The following PRKCE variants were observed in gnomAD, a reference collection of about 807,000 sequenced individuals.
The protein encoded by PRKCE is protein kinase C epsilon.
In PRKCE, 16 loss-of-function variants were observed where a neutral mutation model predicts 85.4. The ratio of observed to expected loss-of-function variants is 0.19; its 90% CI spans 0.13 to 0.28. The LOEUF is 0.28. Ranked by LOEUF, PRKCE falls within the 10% of genes least tolerant of loss-of-function variation. PRKCE has a pLI of 1.00. For synonymous variants in PRKCE, 388 were observed against 371.5 expected (o/e 1.04, Z -0.51); for missense variants, 573 against 975.2 (o/e 0.59, Z 5.49).
rs184093957 is a variant in PRKCE, at chr2:46,139,889, C to T, written c.1593-5204C>T. 2.5e-3 allele frequency among the ~76,000 whole-genome samples: 380 copies of T among 152,056 alleles called. 3 individuals are homozygous for T. Among genetic ancestry groups the T allele is most frequent in the African/African-American group, 8.6e-3 (355 of 41,474 alleles). ...AGCTTTTAATTCTAGTTCATGGCTG[C>T]GTAGCTATGTGCCTGGCTTAAAAAA... is the stretch of plus-strand genomic sequence containing the variant. On this transcript the variant is annotated intron_variant, in intron 11 of 14. Transcript: ENST00000306156. The surrounding 1 kb of genome is among the most constrained non-coding windows in gnomAD (Gnocchi z 5.2).
chr2:46,075,604 G>A (rs1401777619), intron 10 of PRKCE, among the ~76,000 whole-genome samples: 1 of 152,028 alleles, frequency 6.6e-6, no homozygotes, highest in South Asian at 2.1e-4. Context: ...GAAAAATTAG[G>A]CAGGCATGGT....
At chr2:46,152,579 T>G (rs1299412204) in intron 13 of PRKCE, among the ~76,000 whole-genome samples, 1 of 151,286 alleles carries the variant, frequency 6.6e-6, no homozygotes, top group East Asian at 2.0e-4. Context: ...GATGGAGTGT[T>G]GCTTTGTTAC....
At chr2:45,852,287 C>T (rs576240602) in intron 2 of PRKCE, among the ~76,000 whole-genome samples, 1 of 152,300 alleles carries the variant, frequency 6.6e-6, no homozygotes, top group Non-Finnish European at 1.5e-5. Context: ...GCAACAAAAA[C>T]CCGTGACCTC....
intron 11 of PRKCE, among the ~76,000 whole-genome samples, chr2:46,110,035 T>C (rs1470855407): frequency 6.6e-6 from 1 of 152,214 alleles, no homozygotes; most frequent in African/African-American, 2.4e-5. Context: ...CTTGCATACC[T>C]TGAATAAATC....
intron 12 of PRKCE, among the ~76,000 whole-genome samples, chr2:46,147,134 C>A (rs892117423): frequency 9.2e-5 from 14 of 152,156 alleles, no homozygotes; most frequent in Non-Finnish European, 1.6e-4. Flanking sequence ...GAACCTTTAT[C>A]TTCTAAGAGA....
At chr2:46,024,763 C>G (rs1031807155) in intron 10 of PRKCE, among the ~76,000 whole-genome samples, 1 of 152,122 alleles carries the variant, frequency 6.6e-6, no homozygotes, top group Non-Finnish European at 1.5e-5. Flanking sequence ...CAACCTATCC[C>G]CATGTGTTTT....
At chr2:45,810,058 G>A (rs1045456957) in intron 1 of PRKCE, among the ~76,000 whole-genome samples, 12 of 136,168 alleles carry the variant, frequency 8.8e-5, no homozygotes, top group African/African-American at 3.2e-4. Flanking sequence ...AACTTTTTTT[G>A]AGATGAAGTC....
intron 2 of PRKCE, among the ~76,000 whole-genome samples, chr2:45,880,489 C>T (rs1358851290): frequency 2.0e-5 from 3 of 152,144 alleles, no homozygotes; most frequent in African/African-American, 4.8e-5. Flanking sequence ...TGGCCGAGCC[C>T]AATCTTATCT....
At chr2:45,883,210 T>G (rs926321293) in intron 2 of PRKCE, among the ~76,000 whole-genome samples, 13 of 152,242 alleles carry the variant, frequency 8.5e-5, no homozygotes, top group African/African-American at 3.1e-4. Context: ...CCTAAACAGA[T>G]TGCTCTTGAA....
At chr2:45,743,673 G>A (rs1682773282) in intron 1 of PRKCE, among the ~76,000 whole-genome samples, 1 of 152,168 alleles carries the variant, frequency 6.6e-6, no homozygotes, top group Non-Finnish European at 1.5e-5. Context: ...CCGTATTGTG[G>A]GCGTGGGTAT....
chr2:45,842,951 T>C, intron 1 of PRKCE, 49 bp from the exon 2 acceptor site: 1 of 1,546,050 alleles, frequency 6.5e-7, no homozygotes, highest in Non-Finnish European at 8.9e-7. Flanking sequence ...AACTCTTAGG[T>C]TGCCCACACA....
At chr2:45,850,842 CT>C (rs559025517) in intron 2 of PRKCE, among the ~76,000 whole-genome samples, 2 of 152,282 alleles carry the variant, frequency 1.3e-5, no homozygotes, top group East Asian at 3.9e-4. Flanking sequence ...CTGTCTCCCC[CT>C]CATCCTCCAT....
chr2:46,165,291 T>A (rs773883028), intron 14 of PRKCE, among the ~76,000 whole-genome samples: 4 of 152,248 alleles, frequency 2.6e-5, no homozygotes, highest in Non-Finnish European at 5.9e-5. Flanking sequence ...TCACCCTCTG[T>A]CCACCCACAT....
At chr2:45,845,475 T>C (rs1691708961) in intron 2 of PRKCE, 2 of 151,956 alleles carry the variant, frequency 1.3e-5, no homozygotes, top group Admixed American at 1.3e-4. Flanking sequence ...TCCATTATTC[T>C]GCCATCAAGC....
At chr2:46,036,422 C>T (rs1477982699) in intron 10 of PRKCE, among the ~76,000 whole-genome samples, 2 of 151,974 alleles carry the variant, frequency 1.3e-5, no homozygotes, top group Admixed American at 6.5e-5. Context: ...CACACACACA[C>T]AAAATTAATT....
At chr2:45,667,294 GGT>G (rs1158141926) in intron 1 of PRKCE, among the ~76,000 whole-genome samples, 1 of 152,084 alleles carries the variant, frequency 6.6e-6, no homozygotes, top group Non-Finnish European at 1.5e-5. Context: ...CTGGGTAACA[GGT>G]TGAGACTCTG....
At chr2:46,109,426 G>C (rs1452391646) in intron 11 of PRKCE, among the ~76,000 whole-genome samples, 2 of 151,994 alleles carry the variant, frequency 1.3e-5, no homozygotes, top group Non-Finnish European at 2.9e-5. Context: ...TACATATTTT[G>C]TTAGATTTAT....
At chr2:46,124,186 G>A (rs1673622812) in intron 11 of PRKCE, among the ~76,000 whole-genome samples, 1 of 152,126 alleles carries the variant, frequency 6.6e-6, no homozygotes, top group South Asian at 2.1e-4. Flanking sequence ...TTAGCCAGGT[G>A]TGGTGGTGCA....
rs192045058 is a variant in PRKCE, at chr2:45,905,263, G to C, written c.412+62200G>C. ...CTCCAACATAGCCCACGCTAACCCA[G>C]TTTTGGAATCTGGTAGTGGGAAAAC... On this transcript the variant is annotated intron_variant, in intron 2 of 14. Coordinates refer to ENST00000306156, the MANE Select transcript of PRKCE (RefSeq NM_005400.3). The surrounding 1 kb of genome is among the most constrained non-coding windows in gnomAD (Gnocchi z 4.4). Among the ~76,000 whole-genome samples, 75 of 152,274 alleles carry C rather than the reference G, an allele frequency of 4.9e-4. 1 individual carries two copies. Among genetic ancestry groups the C allele is most frequent in the African/African-American group, 1.6e-3 (66 of 41,564 alleles).
Sources: allele counts gnomAD v4.1 joint callset (sites outside exome capture counted in the v4.1 genomes callset), GRCh38; gene constraint gnomAD v4.1.1; non-coding constraint Gnocchi (gnomAD v3.1); transcripts MANE v1.5; gene names NCBI Gene and HGNC (gene_info 2026-07-23, HGNC 2026-07-21).